KCTD1: variants seen among roughly 807,000 people sequenced by gnomAD.
KCTD1 encodes the protein potassium channel tetramerization domain containing 1, also known as BTB/POZ domain-containing protein KCTD1.
A neutral mutation model predicts 66.0 loss-of-function variants in KCTD1; 24 were observed. That is an observed-to-expected ratio of 0.36 (90% CI 0.26 to 0.51). KCTD1 has a LOEUF of 0.51. Ranked by LOEUF, KCTD1 falls within the 20% of genes least tolerant of loss-of-function variation. KCTD1 has a pLI of 0.95. For missense variants in KCTD1, 943 were observed against 1,205.2 expected, an observed-to-expected ratio of 0.78 and a Z score of 3.22; for synonymous variants, 511 against 517.2, an observed-to-expected ratio of 0.99 and a Z score of 0.16.
intron 1 of KCTD1, among the ~76,000 whole-genome samples, chr18:26,626,078 G>A (rs779386786): frequency 3.6e-4 from 55 of 151,814 alleles, no homozygotes; most frequent in Middle Eastern, 3.4e-3. Flanking sequence ...AGCTAACACC[G>A]TGAAAGCACA....
intron 1 of KCTD1, among the ~76,000 whole-genome samples, chr18:26,596,442 T>A (rs1263672905): frequency 2.0e-5 from 3 of 152,130 alleles, no homozygotes; most frequent in Admixed American, 6.5e-5. Flanking sequence ...AAATTTCTGT[T>A]GTTTAAGTCA....
At chr18:26,559,080 A>C (rs779263876) in intron 1 of KCTD1, among the ~76,000 whole-genome samples, 4 of 152,130 alleles carry the variant, frequency 2.6e-5, no homozygotes, top group Non-Finnish European at 5.9e-5. Context: ...TAGAGAGTAG[A>C]GGATGGTTAC....
chr18:26,529,846 A>G (rs1304296860), intron 1 of KCTD1, among the ~76,000 whole-genome samples: 1 of 152,260 alleles, frequency 6.6e-6, no homozygotes, highest in Non-Finnish European at 1.5e-5. Flanking sequence ...AAAAAGTAAA[A>G]CAGGATTAGT....
intron 1 of KCTD1, among the ~76,000 whole-genome samples, chr18:26,561,078 A>G (rs1985836400): frequency 6.6e-6 from 1 of 152,228 alleles, no homozygotes; most frequent in Non-Finnish European, 1.5e-5. Context: ...ATAAAGAATA[A>G]TGTAGGTTTG....
intron 3 of KCTD1, among the ~76,000 whole-genome samples, chr18:26,460,247 C>T (rs28581648): frequency 0.057 from 8,687 of 152,188 alleles, 848 homozygotes; most frequent in African/African-American, 0.2. Flanking sequence ...GATGAGAAAA[C>T]TGAGATGTGA....
At chr18:26,657,206 G>A (rs1319764919) in intron 1 of KCTD1, among the ~76,000 whole-genome samples, 7 of 151,796 alleles carry the variant, frequency 4.6e-5, no homozygotes, top group Admixed American at 3.9e-4. Context: ...GGGTCCAAGC[G>A]GATTCCTAGT....
intron 1 of KCTD1, among the ~76,000 whole-genome samples, chr18:26,521,251 G>A (rs1983896420): frequency 6.6e-6 from 1 of 152,234 alleles, no homozygotes; most frequent in South Asian, 2.1e-4. Flanking sequence ...GGTGCCCACT[G>A]TGTGTTAGGC....
intron 4 of KCTD1, chr18:26,458,393 A>G (rs1250941839): frequency 2.0e-5 from 3 of 152,190 alleles, no homozygotes; most frequent in African/African-American, 7.2e-5. Context: ...CTAAATACTG[A>G]ACAAAGTCAT....
At chr18:26,533,827 T>TAAAAAAAAAAAA (rs143763803) in intron 1 of KCTD1, among the ~76,000 whole-genome samples, 2 of 130,452 alleles carry the variant, frequency 1.5e-5, no homozygotes. Flanking sequence ...AGCTATTATT[T>TAAAAAAAAAAAA]AAAAAAAAAA....
chr18:26,479,543 G>A (rs1429667106), intron 2 of KCTD1, among the ~76,000 whole-genome samples: 1 of 152,260 alleles, frequency 6.6e-6, no homozygotes, highest in African/African-American at 2.4e-5. Context: ...GGCAAGGGGT[G>A]TGGAGAGAAA....
At position 26,556,499 on chromosome 18, in the gene KCTD1, CT is replaced by C. The variant is rs1567993229; in HGVS notation, c.-15-55250del. On this transcript the variant is annotated intron_variant, in intron 1 of 4. Coordinates refer to the KCTD1 transcript ENST00000317932. Reference sequence around the variant, plus strand: ...TCTCTTTATAGCTCATTCCCTTAAACTAAAAAGCACAAAACAAAAATGTGGT... The same window carrying C: ...TCTCTTTATAGCTCATTCCCTTAAACAAAAAGCACAAAACAAAAATGTGGT... 3.9e-5 allele frequency among the ~76,000 whole-genome samples: 6 copies of C among 152,268 alleles called. No homozygotes were observed. In the East Asian group the frequency reaches 1.2e-3, roughly 29 times the overall value.
At chr18:26,615,814 G>C (rs983053075) in intron 1 of KCTD1, among the ~76,000 whole-genome samples, 1 of 152,092 alleles carries the variant, frequency 6.6e-6, no homozygotes, top group Non-Finnish European at 1.5e-5. Context: ...TTTTGAGACA[G>C]AGTTTTGCTG....
At chr18:26,513,122 G>A (rs9675462) in intron 1 of KCTD1, among the ~76,000 whole-genome samples, 1 of 146,526 alleles carries the variant, frequency 6.8e-6, no homozygotes, top group African/African-American at 2.5e-5. Flanking sequence ...TAGTCTCGCT[G>A]TGTTGCCCAG....
upstream of KCTD1, chr18:26,548,781 C>G: frequency 8.9e-7 from 1 of 1,119,638 alleles, no homozygotes; most frequent in Non-Finnish European, 1.1e-6. Flanking sequence ...GGAGGCTGAC[C>G]AGACCTTCTT....
chr18:26,568,573 A>C (rs1986035060), intron 1 of KCTD1, among the ~76,000 whole-genome samples: 1 of 152,090 alleles, frequency 6.6e-6, no homozygotes, highest in Non-Finnish European at 1.5e-5. Flanking sequence ...TTTTCCTACA[A>C]CATAAAAAAA....
chr18:26,572,066 T>G (rs577441867), intron 1 of KCTD1, among the ~76,000 whole-genome samples: 21 of 151,480 alleles, frequency 1.4e-4, no homozygotes, highest in South Asian at 2.1e-4. Context: ...TGTTGTTGTT[T>G]TTTTTTTTTT....
At position 26,548,186 on chromosome 18, in the gene KCTD1, G is replaced by A; in HGVS notation, c.351C>T (p.Pro117=). The change falls in exon 1 of 5, where the codon CCC becomes CCT. Residue 117 remains proline (P), a synonymous_variant. Transcript: ENST00000580059. ...PEDSAGEELE[P]EPVHMINMDQ... is the part of the protein sequence containing the mutation. ...CCATATTGATCATATGGACCGGCTC[G>A]GGCTCCAGCTCCTCCCCGGCCGAGT... is the stretch of plus-strand genomic sequence containing the variant. The A allele has an allele frequency of 6.7e-7, 1 of 1,493,886 alleles. No homozygotes were observed. The highest frequency in any genetic ancestry group is 2.1e-5 in the Admixed American group (1 of 48,282). 92.5% of individuals were successfully genotyped at this position (1,493,886 alleles called of 1,614,324 possible).
chr18:26,651,799 A>AAAAAGAAGAAGAAG (rs764181233), intron 1 of KCTD1, among the ~76,000 whole-genome samples: 53 of 117,140 alleles, frequency 4.5e-4, no homozygotes, highest in South Asian at 1.0e-3. Context: ...AAAAAAAAAA[A>AAAAAGAAGAAGAAG]AAGAAGAAGA....
rs759805236 is a variant in KCTD1, at chr18:26,548,398, G to C, written c.139C>G (p.Arg47Gly). The change falls in exon 1 of 5, where the codon CGT becomes GGT. Residue 47 changes from arginine to glycine, a missense_variant. By Grantham distance (125) the Arg-to-Gly change is moderately radical. This residue lies in a region of KCTD1 where 236 missense variants were observed against 206.6 expected (regional missense o/e 1.14). Coordinates refer to ENST00000580059, the MANE Select transcript of KCTD1 (RefSeq NM_001142730.3). ...GAGGRGRRHS[R>G]PHYCSAGEEE... is the part of the protein sequence containing the mutation. ...TCGCCCGCGCTGCAGTAGTGCGGAC[G>C]GCTGTGGCGGCGGCCGCGGCCCCCC... The C allele has an allele frequency of 2.1e-6, 3 of 1,437,204 alleles. No homozygotes were observed. In the South Asian group the frequency reaches 4.2e-5, roughly 20 times the overall value. The allele number at this position is 1,437,204 out of a possible 1,614,324, so 89.0% of individuals were successfully genotyped here.
Sources: gnomAD v4.1 joint callset for allele counts (sites outside exome capture counted in the v4.1 genomes callset) on GRCh38, gnomAD v4.1.1 for gene constraint, gnomAD v4.1.1 regional missense constraint, MANE v1.5 for transcripts, NCBI Gene and HGNC (gene_info 2026-07-23, HGNC 2026-07-21) for gene names.